Variants in GRIA3 observed in about 807,000 individuals in gnomAD.
The protein encoded by GRIA3 is glutamate ionotropic receptor AMPA type subunit 3, also known as glutamate receptor 3.
Under a neutral mutation model 63.0 loss-of-function variants are expected in GRIA3, and 3 were observed. That is an observed-to-expected ratio of 0.05 (90% CI 0.02 to 0.12). The LOEUF (loss-of-function observed/expected upper bound fraction) is 0.12, where lower values mean the gene tolerates loss of function less well. Ranked by LOEUF, GRIA3 falls within the 10% of genes least tolerant of loss-of-function variation. The pLI, the probability that GRIA3 is intolerant of heterozygous loss-of-function variation, is 1.00. For synonymous variants in GRIA3, 274 were observed against 257.9 expected (o/e 1.06, Z -0.60); for missense variants, 347 against 700.9 (o/e 0.50, Z 5.70).
intron 13 of GRIA3, 22 bp downstream of exon 13, chrX:123,465,134 T>C: frequency 1.7e-6 from 2 of 1,189,784 alleles, no homozygotes; most frequent in Non-Finnish European, 2.3e-6. Flanking sequence ...AATATAACAA[T>C]ATCCGTGTTG....
intron 10 of GRIA3, among the ~76,000 whole-genome samples, chrX:123,410,781 T>C (rs964177776): frequency 7.2e-5 from 8 of 111,575 alleles, no homozygotes; most frequent in Admixed American, 4.7e-4. Flanking sequence ...ACATGAAGTA[T>C]GCCATTCGAA....
chrX:123,307,206 T>A (rs970993028), intron 3 of GRIA3, among the ~76,000 whole-genome samples: 7 of 111,908 alleles, frequency 6.3e-5, no homozygotes, highest in African/African-American at 2.3e-4. Flanking sequence ...AACTTTACCC[T>A]TGAAACAACC....
chrX:123,225,449 G>A (rs1227676212), intron 2 of GRIA3, among the ~76,000 whole-genome samples: 1 of 111,651 alleles, frequency 9.0e-6, no homozygotes, highest in African/African-American at 3.3e-5. Context: ...TCCTGTCAGA[G>A]GCATAAAAAA....
intron 3 of GRIA3, among the ~76,000 whole-genome samples, chrX:123,311,659 T>G (rs774244654): frequency 8.9e-6 from 1 of 111,917 alleles, no homozygotes; most frequent in South Asian, 3.7e-4. Flanking sequence ...AATTACAAAG[T>G]TGGTGATTAA....
chrX:123,445,703 A>C (rs954995016), intron 12 of GRIA3, among the ~76,000 whole-genome samples: 1 of 112,465 alleles, frequency 8.9e-6, no homozygotes. Flanking sequence ...TGATGAAAGC[A>C]ATAAATAGTA....
intron 3 of GRIA3, among the ~76,000 whole-genome samples, chrX:123,287,031 C>A (rs766855166): frequency 1.0e-3 from 112 of 111,876 alleles, no homozygotes; most frequent in Middle Eastern, 4.6e-3. Flanking sequence ...TACTGGCAAA[C>A]CAAATCCAGC....
In GRIA3 at chrX:123,463,726, G is replaced by A. The variant is rs1321305354; in HGVS notation, c.2077-1139G>A. 7.7e-5 allele frequency among the ~76,000 whole-genome samples: 7 copies of A among 90,327 alleles called. 1 individual carries two copies. Among genetic ancestry groups the A allele is most frequent in the African/African-American group, 2.8e-4 (6 of 21,242 alleles). The allele number at this position is 90,327 out of a possible 115,157, so 78.4% of individuals were successfully genotyped here. A position where few individuals can be genotyped will look rare whatever the true frequency, so the allele number is the denominator to read the frequency against. ...AAAGAAAGAAAGAAAGAAAGAAAGA[G>A]AAAGAAGAGAGAGAAAGAAAGAAAA... On this transcript the variant is annotated intron_variant, in intron 12 of 15. Transcript: ENST00000620443.
intron 2 of GRIA3, among the ~76,000 whole-genome samples, chrX:123,252,062 G>A (rs1046493291): frequency 4.5e-5 from 5 of 111,768 alleles, no homozygotes; most frequent in South Asian, 7.6e-4. Context: ...GGTGCTCAAC[G>A]TCTTCACTGT....
chrX:123,356,566 C>T (rs188021944), intron 5 of GRIA3, among the ~76,000 whole-genome samples: 145 of 111,795 alleles, frequency 1.3e-3, no homozygotes, highest in African/African-American at 4.5e-3. Context: ...TGTATAGATA[C>T]TATTACTTCA....
chrX:123,309,145 G>A (rs1309338071), intron 3 of GRIA3, among the ~76,000 whole-genome samples: 1 of 111,574 alleles, frequency 9.0e-6, no homozygotes, highest in Admixed American at 9.5e-5. Flanking sequence ...AACATTTTGG[G>A]AGGCTGAGGC....
chrX:123,392,398 C>T (rs150720624), intron 5 of GRIA3, among the ~76,000 whole-genome samples: 1,427 of 111,476 alleles, frequency 0.013, 19 homozygotes, highest in African/African-American at 0.043. Flanking sequence ...AGGATGTAGT[C>T]TGATGGGGGC....
At chrX:123,201,581 G>A (rs760366675) in intron 2 of GRIA3, among the ~76,000 whole-genome samples, 65 of 110,619 alleles carry the variant, frequency 5.9e-4, no homozygotes, top group Admixed American at 4.8e-4. Flanking sequence ...ATTCAAAGAG[G>A]AGAGAGCTCA....
chrX:123,185,917 C>A lies in GRIA3; in HGVS notation c.195C>A (p.Thr65=). The part of the protein sequence containing the change: ...VQLYNTNQNT[T]EKPFHLNYHV... ...TATACAACACCAACCAGAACACCACCGAGAAGCCCTTCCATTTGAATTACC... is the reference window on the plus strand; with the variant it reads ...TATACAACACCAACCAGAACACCACAGAGAAGCCCTTCCATTTGAATTACC... Residue 65 remains threonine (T), a synonymous_variant, in exon 2 of 16, where the codon ACC becomes ACA. Transcript: ENST00000620443. The A allele has an allele frequency of 1.7e-6, 2 of 1,204,478 alleles. No individual in the cohort carries two copies. The highest frequency in any genetic ancestry group is 2.2e-6 in the Non-Finnish European group (2 of 888,937).
At chrX:123,442,184 T>C (rs2147411816) in intron 12 of GRIA3, among the ~76,000 whole-genome samples, 1 of 112,440 alleles carries the variant, frequency 8.9e-6, no homozygotes, top group Admixed American at 9.4e-5. Context: ...CCATAGTCCA[T>C]AGTCCTGTCT....
chrX:123,281,997 T>C (rs2044588756), intron 3 of GRIA3, among the ~76,000 whole-genome samples: 1 of 111,353 alleles, frequency 9.0e-6, no homozygotes, highest in African/African-American at 3.3e-5. Context: ...AAGAACCAAC[T>C]CTAGCATGCC....
At chrX:123,393,293 G>A (rs943458508) in intron 5 of GRIA3, among the ~76,000 whole-genome samples, 3 of 112,220 alleles carry the variant, frequency 2.7e-5, no homozygotes, top group Non-Finnish European at 5.6e-5. Context: ...AGAGAAGCAC[G>A]GATGGAGGTG....
intron 3 of GRIA3, among the ~76,000 whole-genome samples, chrX:123,315,825 G>A (rs1368711806): frequency 9.0e-6 from 1 of 111,598 alleles, no homozygotes; most frequent in East Asian, 2.8e-4. Flanking sequence ...GAAATGGAAA[G>A]AGTGGTTGGC....
chrX:123,410,835 C>G (rs1376572697), intron 10 of GRIA3, among the ~76,000 whole-genome samples: 1 of 111,765 alleles, frequency 8.9e-6, no homozygotes, highest in Non-Finnish European at 1.9e-5. Context: ...CGTAGTCTCA[C>G]AAGGCCTTCA....
At chrX:123,428,583 A>G (rs2045602062) in intron 12 of GRIA3, among the ~76,000 whole-genome samples, 1 of 112,387 alleles carries the variant, frequency 8.9e-6, no homozygotes, top group Non-Finnish European at 1.9e-5. Flanking sequence ...GTAATGGACT[A>G]TAAGAAATTA....
Sources: gnomAD v4.1 joint callset for allele counts (sites outside exome capture counted in the v4.1 genomes callset) on GRCh38, gnomAD v4.1.1 for gene constraint, MANE v1.5 for transcripts, NCBI Gene and HGNC (gene_info 2026-07-23, HGNC 2026-07-21) for gene names.